Variants in ZC3H7A observed in about 807,000 individuals in gnomAD.
ZC3H7A encodes zinc finger CCCH-type containing 7A.
ZC3H7A carries 44 observed loss-of-function variants against 125.5 expected under a neutral mutation model. That is an observed-to-expected ratio of 0.35 (90% CI 0.28 to 0.45). ZC3H7A has a LOEUF of 0.45. Ranked by LOEUF, ZC3H7A falls within the 20% of genes least tolerant of loss-of-function variation. The pLI is 1.00. For synonymous variants in ZC3H7A, 399 were observed against 391.2 expected (o/e 1.02, Z -0.23); for missense variants, 977 against 1,170.7 (o/e 0.83, Z 2.41).
intron 12 of ZC3H7A, 60 bp downstream of exon 12, chr16:11,768,255 G>C: frequency 7.4e-7 from 1 of 1,345,638 alleles, no homozygotes; most frequent in Non-Finnish European, 9.7e-7. Flanking sequence ...AAATTCCTAA[G>C]AACTTTCAAG....
rs139948885 is a variant in ZC3H7A at position 11,793,466 on chromosome 16, G to C, written c.-35+3658C>G. On this transcript the variant is annotated intron_variant, in intron 1 of 22. Coordinates refer to ENST00000355758, the MANE Select transcript of ZC3H7A (RefSeq NM_014153.4). ...AAGGATTGCTTGAGGCCAGGAGTTTGAGGTCACAGCAAACTATGACTATGC... is the reference window on the plus strand; with the variant it reads ...AAGGATTGCTTGAGGCCAGGAGTTTCAGGTCACAGCAAACTATGACTATGC... 3.2e-3 allele frequency among the ~76,000 whole-genome samples: 484 copies of C among 151,238 alleles called. 2 individuals are homozygous for C. Among genetic ancestry groups the C allele is most frequent in the African/African-American group, 0.011 (438 of 41,212 alleles).
chr16:11,760,020 G>A (rs1276207783), intron 19 of ZC3H7A, among the ~76,000 whole-genome samples: 2 of 149,644 alleles, frequency 1.3e-5, no homozygotes, highest in African/African-American at 4.9e-5. Flanking sequence ...TCGGGAGGCT[G>A]AGGCAGAAGA....
At chr16:11,780,925 T>G (rs900252157) in intron 3 of ZC3H7A, among the ~76,000 whole-genome samples, 2 of 151,836 alleles carry the variant, frequency 1.3e-5, no homozygotes, top group Non-Finnish European at 2.9e-5. Flanking sequence ...GAACATCTCC[T>G]AACAGAAAAA....
At chr16:11,795,893 C>T (rs2053428994) in intron 1 of ZC3H7A, among the ~76,000 whole-genome samples, 1 of 152,190 alleles carries the variant, frequency 6.6e-6, no homozygotes, top group Admixed American at 6.5e-5. Flanking sequence ...GCCTCAATCT[C>T]CTGGGCTCAA....
intron 1 of ZC3H7A, among the ~76,000 whole-genome samples, chr16:11,795,168 T>C (rs763608008): frequency 6.6e-6 from 1 of 152,200 alleles, no homozygotes; most frequent in African/African-American, 2.4e-5. Flanking sequence ...GTCCATTAAC[T>C]TGAATTATTC....
In ZC3H7A at chr16:11,774,557, C is replaced by T. The variant is rs368184892; in HGVS notation, c.620-38G>A. ...TGGAAATGTACTCAGTCACTTTCAT[C>T]GTACTTACATAATAATACCATTAAT... On this transcript the variant is annotated intron_variant, in intron 8 of 22. Coordinates refer to ENST00000355758, the MANE Select transcript of ZC3H7A (RefSeq NM_014153.4). 5.8e-4 allele frequency: 857 copies of T among 1,477,138 alleles called. 1 individual carries two copies. Among genetic ancestry groups the T allele is most frequent in the Admixed American group, 1.0e-3 (41 of 41,044 alleles). 91.5% of individuals were successfully genotyped at this position (1,477,138 alleles called of 1,614,324 possible). A position where few individuals can be genotyped will look rare whatever the true frequency, so the allele number is the denominator to read the frequency against.
chr16:11,764,554 A>T (rs1279732212), intron 15 of ZC3H7A, among the ~76,000 whole-genome samples: 1 of 151,886 alleles, frequency 6.6e-6, no homozygotes, highest in African/African-American at 2.4e-5. Flanking sequence ...GTCTCAAAAA[A>T]ATTAAAAAAT....
At chr16:11,766,468 TC>T (rs1242413148) in intron 13 of ZC3H7A, among the ~76,000 whole-genome samples, 5 of 152,276 alleles carry the variant, frequency 3.3e-5, no homozygotes, top group Middle Eastern at 3.4e-3. Context: ...GGTAGCTGAG[TC>T]ATGAGAAAAT....
At chr16:11,755,707 G>A (rs957277650) in intron 21 of ZC3H7A, among the ~76,000 whole-genome samples, 7 of 152,140 alleles carry the variant, frequency 4.6e-5, no homozygotes, top group Admixed American at 6.6e-5. Flanking sequence ...CCAGGACTTG[G>A]ACTTATGATT....
Position 11,765,568 on chromosome 16 carries a change from A to C in ZC3H7A, c.1640T>G (p.Phe547Cys), listed in dbSNP as rs1319500887. The change falls in exon 14 of 23, where the codon TTT becomes TGT. Residue 547 changes from phenylalanine to cysteine, a missense_variant. Coordinates refer to ENST00000355758, the MANE Select transcript of ZC3H7A (RefSeq NM_014153.4). This position sits in a 1 kb window ranked among gnomAD's most constrained non-coding sequence, Gnocchi z 4.8. ...RKGAFSREAF[F>C]GGNGKINLTV... is the part of the protein sequence containing the mutation. Reference sequence around the variant, plus strand: ...AAGGTTAATCTTTCCATTGCCGCCAAAGAAAGCCTCCCGGCTGAATGCTCC... The same window carrying C: ...AAGGTTAATCTTTCCATTGCCGCCACAGAAAGCCTCCCGGCTGAATGCTCC... 6.2e-7 allele frequency: 1 copy of C among 1,614,214 alleles called. No individual in the cohort carries two copies. Among genetic ancestry groups the C allele is most frequent in the South Asian group, 1.1e-5 (1 of 91,078 alleles).
chr16:11,786,499 T>G (rs564480340), intron 1 of ZC3H7A, among the ~76,000 whole-genome samples: 1 of 152,354 alleles, frequency 6.6e-6, no homozygotes, highest in South Asian at 2.1e-4. Context: ...TAAAGCTATT[T>G]TCCCCAGAAA....
intron 1 of ZC3H7A, among the ~76,000 whole-genome samples, chr16:11,786,863 C>T (rs2053264332): frequency 1.3e-5 from 2 of 152,206 alleles, no homozygotes; most frequent in African/African-American, 4.8e-5. Context: ...GCTCATCCTT[C>T]TGTTCATTCA....
intron 1 of ZC3H7A, among the ~76,000 whole-genome samples, chr16:11,792,966 T>C (rs536741518): frequency 2.0e-5 from 3 of 152,222 alleles, no homozygotes; most frequent in East Asian, 3.9e-4. Flanking sequence ...CAAAAAGATA[T>C]GCTCAACAGA....
At position 11,753,197 on chromosome 16, in the gene ZC3H7A, G is replaced by A. The variant is rs572903925; in HGVS notation, c.2563-365C>T. 1.2e-4 allele frequency: 24 copies of A among 206,642 alleles called. 1 individual carries two copies. In the South Asian group the frequency reaches 2.0e-3, roughly 18 times the overall value. 12.8% of individuals were successfully genotyped at this position (206,642 alleles called of 1,614,324 possible). A position where few individuals can be genotyped will look rare whatever the true frequency, so the allele number is the denominator to read the frequency against. On this transcript the variant is annotated intron_variant, in intron 21 of 22. Coordinates refer to ENST00000355758, the MANE Select transcript of ZC3H7A (RefSeq NM_014153.4). The stretch of plus-strand genomic sequence containing the variant: ...CAGGACATGCCAACTCCAAAAGGAC[G>A]AGCAGCAGCTCCCTTCAGTGTACGT...
chr16:11,787,210 G>C lies in ZC3H7A; in HGVS notation c.-34-4822C>G, dbSNP rs111367313. 5.0e-3 allele frequency among the ~76,000 whole-genome samples: 766 copies of C among 152,302 alleles called. 3 individuals carry two copies. The highest frequency in any genetic ancestry group is 7.6e-3 in the Non-Finnish European group (514 of 68,030). ...CTAGCTACTCAGGAGGCTAAGGCAA[G>C]AGGACTGATTAAGCCCAGGAGTTGG... On this transcript the variant is annotated intron_variant, in intron 1 of 22. Coordinates refer to ENST00000355758, the MANE Select transcript of ZC3H7A (RefSeq NM_014153.4).
intron 9 of ZC3H7A, among the ~76,000 whole-genome samples, chr16:11,772,089 G>A (rs1017383341): frequency 6.6e-6 from 1 of 151,890 alleles, no homozygotes. Context: ...TCAGCTACTC[G>A]GGAGGTTGAG....
chr16:11,751,290 T>G lies in ZC3H7A; in HGVS notation c.*27A>C, dbSNP rs761227930. The G allele has an allele frequency of 6.3e-7, 1 of 1,591,678 alleles. No individual in the cohort carries two copies. Among genetic ancestry groups the G allele is most frequent in the South Asian group, 1.1e-5 (1 of 87,724 alleles). On this transcript the variant is annotated 3_prime_UTR_variant, in exon 23 of 23. Transcript: ENST00000355758. Reference sequence around the variant, plus strand: ...CAATTTTTCTGGTCAATGCTCTGATTAGGTATCATACATAAAAGCCAGCAT... The same window carrying G: ...CAATTTTTCTGGTCAATGCTCTGATGAGGTATCATACATAAAAGCCAGCAT...
chr16:11,752,953 G>A, intron 21 of ZC3H7A, 121 bp from the exon 22 acceptor site: 1 of 1,278,038 alleles, frequency 7.8e-7, no homozygotes, highest in Non-Finnish European at 1.1e-6. Context: ...TAGAAATAGG[G>A]ACAAGGAAAG....
In ZC3H7A at chr16:11,768,492, G is replaced by C; in HGVS notation, c.1183C>G (p.Pro395Ala). ...SNSSLLLMNG[P>A]GSLFASENFL... ...TTCTCTGAAGCAAACAAACTACCTG[G>C]TCCATTCATCTGCAAGAAAAATAAG... Residue 395 changes from proline to alanine, a missense_variant, in exon 12 of 23, where the codon CCA (proline) becomes GCA (alanine). Around this residue, in one of 3 missense-constraint regions of ZC3H7A, gnomAD observed 342 missense variants for 311.3 expected, o/e 1.10. Coordinates refer to ENST00000355758, the MANE Select transcript of ZC3H7A (RefSeq NM_014153.4). The C allele has an allele frequency of 7.0e-7, 1 of 1,438,674 alleles. No individual in the cohort carries two copies. The highest frequency in any genetic ancestry group is 1.6e-5 in the South Asian group (1 of 62,808). 89.1% of individuals were successfully genotyped at this position (1,438,674 alleles called of 1,614,324 possible).
Sources: allele counts gnomAD v4.1 joint callset (sites outside exome capture counted in the v4.1 genomes callset), GRCh38; gene constraint gnomAD v4.1.1; regional missense constraint gnomAD v4.1.1; non-coding constraint Gnocchi (gnomAD v3.1); transcripts MANE v1.5; gene names NCBI Gene and HGNC (gene_info 2026-07-23, HGNC 2026-07-21).